The following ADCY2 variants were observed in gnomAD, a reference collection of about 807,000 sequenced individuals.
ADCY2 encodes the protein adenylate cyclase type 2.
A neutral mutation model predicts 125.2 loss-of-function variants in ADCY2; 31 were observed. That is an observed-to-expected ratio of 0.25 (90% CI 0.19 to 0.33). The LOEUF (loss-of-function observed/expected upper bound fraction) is 0.33. Among genes scored for constraint, ADCY2 ranks in the 10% least tolerant of loss-of-function variants. ADCY2 has a pLI of 1.00. For synonymous variants in ADCY2, 512 were observed against 548.4 expected (o/e 0.93, Z 0.93); for missense variants, 904 against 1,418.2 (o/e 0.64, Z 5.82).
chr5:7,741,835 C>CCTA, intron 14 of ADCY2, among the ~76,000 whole-genome samples: 1 of 147,440 alleles, frequency 6.8e-6, no homozygotes, highest in Non-Finnish European at 1.5e-5. Context: ...CATCACCATC[C>CCTA]TCATCATCGT....
intron 4 of ADCY2, among the ~76,000 whole-genome samples, chr5:7,654,347 C>G (rs1414143180): frequency 1.3e-5 from 2 of 151,980 alleles, no homozygotes; most frequent in Non-Finnish European, 2.9e-5. Flanking sequence ...AAAACGGGAT[C>G]GAGAGAAGGT....
At chr5:7,487,506 A>C (rs1409734533) in intron 2 of ADCY2, among the ~76,000 whole-genome samples, 1 of 152,198 alleles carries the variant, frequency 6.6e-6, no homozygotes, top group Non-Finnish European at 1.5e-5. Flanking sequence ...GGCAGAAGCG[A>C]TCTCTCCTTT....
At chr5:7,821,438 A>G (rs756258711) in intron 24 of ADCY2, among the ~76,000 whole-genome samples, 1 of 152,198 alleles carries the variant, frequency 6.6e-6, no homozygotes, top group Non-Finnish European at 1.5e-5. Context: ...GTTGACAGTG[A>G]CAGAATCAAG....
intron 22 of ADCY2, among the ~76,000 whole-genome samples, chr5:7,815,726 T>C (rs1745090078): frequency 2.6e-5 from 4 of 152,196 alleles, no homozygotes; most frequent in Non-Finnish European, 4.4e-5. Context: ...TCAGGACTTC[T>C]CTCCTTCAGC....
chr5:7,554,196 T>A (rs981030173), intron 3 of ADCY2, among the ~76,000 whole-genome samples: 18 of 152,318 alleles, frequency 1.2e-4, no homozygotes, highest in African/African-American at 4.1e-4. Context: ...AGAAAATGAT[T>A]AGTCAGATGT....
At chr5:7,538,479 TTCTC>T (rs899262882) in intron 3 of ADCY2, among the ~76,000 whole-genome samples, 12 of 152,308 alleles carry the variant, frequency 7.9e-5, no homozygotes, top group African/African-American at 2.4e-4. Context: ...ATGGCTTTCT[TTCTC>T]TCTGGCTTAT....
chr5:7,772,867 G>A, intron 17 of ADCY2, 65 bp from the exon 18 acceptor site: 1 of 1,509,200 alleles, frequency 6.6e-7, no homozygotes. Context: ...TCCCCTGATT[G>A]TAATTGTTTC....
chr5:7,501,339 C>G (rs1253508379), intron 2 of ADCY2, among the ~76,000 whole-genome samples: 1 of 152,118 alleles, frequency 6.6e-6, no homozygotes, highest in Non-Finnish European at 1.5e-5. Flanking sequence ...CTTAAGCATG[C>G]AGAAGGATTT....
In ADCY2 at chr5:7,396,646, C is replaced by CA; in HGVS notation, c.210+140_210+141insA. The CA allele has an allele frequency of 1.7e-5, 8 of 468,382 alleles. No homozygotes were observed. Among genetic ancestry groups the CA allele is most frequent in the South Asian group, 8.6e-5 (1 of 11,638 alleles). 29.0% of individuals were successfully genotyped at this position (468,382 alleles called of 1,614,324 possible). On this transcript the variant is annotated intron_variant, in intron 1 of 24. Transcript: ENST00000338316. The surrounding 1 kb of genome is among the most constrained non-coding windows in gnomAD (Gnocchi z 5.7). ...CCCGCGGCAGCCCCTCGGCCCGCGG[C>CA]TCCCTGCTTCTCCTGCTGGCCCGCG...
intron 3 of ADCY2, among the ~76,000 whole-genome samples, chr5:7,594,239 G>C (rs994392835): frequency 1.3e-5 from 2 of 152,138 alleles, no homozygotes; most frequent in Non-Finnish European, 2.9e-5. Context: ...GGTGATGGTG[G>C]CTTGGACCTG....
At position 7,709,059 on chromosome 5, in the gene ADCY2, C is replaced by A; in HGVS notation, c.1402-152C>A. On this transcript the variant is annotated intron_variant, in intron 9 of 24. Transcript: ENST00000338316. The surrounding 1 kb of genome is among the most constrained non-coding windows in gnomAD (Gnocchi z 4.4). ...TTCCCTCAACTCAAATAGTGTGTTCCCCAGTAACACTGAAGGAATAAGGAC... is the reference window on the plus strand; with the variant it reads ...TTCCCTCAACTCAAATAGTGTGTTCACCAGTAACACTGAAGGAATAAGGAC... 1 of 649,804 alleles carries A rather than the reference C, an allele frequency of 1.5e-6. No individual in the cohort carries two copies. 40.3% of individuals were successfully genotyped at this position (649,804 alleles called of 1,614,324 possible). A position where few individuals can be genotyped will look rare whatever the true frequency, so the allele number is the denominator to read the frequency against.
intron 12 of ADCY2, among the ~76,000 whole-genome samples, chr5:7,722,592 A>T (rs892515477): frequency 3.7e-4 from 57 of 152,208 alleles, no homozygotes; most frequent in African/African-American, 1.3e-3. Flanking sequence ...CTGGTACAGT[A>T]ATAAGAAATA....
intron 22 of ADCY2, among the ~76,000 whole-genome samples, chr5:7,814,712 C>T (rs1391747731): frequency 6.6e-6 from 1 of 152,200 alleles, no homozygotes; most frequent in Non-Finnish European, 1.5e-5. Flanking sequence ...TCTATCTTCT[C>T]ACCCGTCCCT....
chr5:7,493,611 G>T (rs1417948433), intron 2 of ADCY2, among the ~76,000 whole-genome samples: 1 of 152,138 alleles, frequency 6.6e-6, no homozygotes, highest in Non-Finnish European at 1.5e-5. Flanking sequence ...AAGACAGTAG[G>T]CATGCAGCTT....
intron 2 of ADCY2, among the ~76,000 whole-genome samples, chr5:7,453,101 T>C (rs150386576): frequency 3.9e-5 from 6 of 152,324 alleles, no homozygotes; most frequent in Admixed American, 1.3e-4. Flanking sequence ...CTTTTTAGTT[T>C]AGTTAGCTCC....
At chr5:7,597,127 G>A (rs1187812532) in intron 3 of ADCY2, among the ~76,000 whole-genome samples, 2 of 152,116 alleles carry the variant, frequency 1.3e-5, no homozygotes, top group Non-Finnish European at 2.9e-5. Flanking sequence ...CTGTCTGAAG[G>A]GCAAGGAAAC....
At chr5:7,760,408 A>C (rs1395505356) in intron 16 of ADCY2, among the ~76,000 whole-genome samples, 1 of 152,196 alleles carries the variant, frequency 6.6e-6, no homozygotes, top group Non-Finnish European at 1.5e-5. Context: ...AGCAGGGTGC[A>C]CAAGCTAAGG....
chr5:7,611,624 G>T (rs1381152972), intron 3 of ADCY2, among the ~76,000 whole-genome samples: 1 of 152,160 alleles, frequency 6.6e-6, no homozygotes, highest in Non-Finnish European at 1.5e-5. Context: ...CCATCAGGAA[G>T]CATGTTAATT....
At chr5:7,661,121 TA>T (rs1356380498) in intron 4 of ADCY2, among the ~76,000 whole-genome samples, 3 of 152,180 alleles carry the variant, frequency 2.0e-5, no homozygotes, top group Non-Finnish European at 2.9e-5. Flanking sequence ...TATATATCTC[TA>T]AAGCTTGGGG....
Sources: gnomAD v4.1 joint callset for allele counts (sites outside exome capture counted in the v4.1 genomes callset) on GRCh38, gnomAD v4.1.1 for gene constraint, Gnocchi (gnomAD v3.1) non-coding constraint, MANE v1.5 for transcripts, NCBI Gene and HGNC (gene_info 2026-07-23, HGNC 2026-07-21) for gene names.